The following SUSD4 variants were observed in gnomAD, a reference collection of about 807,000 sequenced individuals.
SUSD4 encodes sushi domain containing 4.
Under a neutral mutation model 50.5 loss-of-function variants are expected in SUSD4, and 41 were observed. That is an observed-to-expected ratio of 0.81 (90% confidence interval 0.63 to 1.05). The LOEUF (loss-of-function observed/expected upper bound fraction) is 1.05, where lower values mean the gene tolerates loss of function less well. Ranked by LOEUF, SUSD4 falls within the 50% of genes least tolerant of loss-of-function variation. The pLI, the probability that SUSD4 is intolerant of heterozygous loss-of-function variation, is 0.00. For missense variants in SUSD4, 580 were observed against 634.7 expected (o/e 0.91, Z 0.93); for synonymous variants, 257 against 257.3 (o/e 1.00, Z 0.01).
chr1:223,360,977 A>C (rs1668944555), intron 2 of SUSD4, among the ~76,000 whole-genome samples: 1 of 152,228 alleles, frequency 6.6e-6, no homozygotes, highest in African/African-American at 2.4e-5. Context: ...CTTGGTCTCA[A>C]GCATGGCTAA....
intron 5 of SUSD4, among the ~76,000 whole-genome samples, chr1:223,259,295 G>C (rs1470909965): frequency 6.6e-6 from 1 of 152,138 alleles, no homozygotes; most frequent in Non-Finnish European, 1.5e-5. Flanking sequence ...TTCTAAACTT[G>C]ATTCCATCTT....
intron 5 of SUSD4, chr1:223,234,959 A>G: frequency 6.3e-7 from 1 of 1,581,938 alleles, no homozygotes; most frequent in Non-Finnish European, 8.5e-7. Flanking sequence ...CATTTAGAAC[A>G]GAGATGTGGT....
At chr1:223,254,422 A>G (rs990243859) in intron 5 of SUSD4, among the ~76,000 whole-genome samples, 2 of 152,172 alleles carry the variant, frequency 1.3e-5, no homozygotes, top group East Asian at 3.8e-4. Context: ...GGAGAGACAG[A>G]GGGTTAATGG....
At chr1:223,343,428 T>G (rs1458155453) in intron 2 of SUSD4, among the ~76,000 whole-genome samples, 1 of 152,222 alleles carries the variant, frequency 6.6e-6, no homozygotes, top group Non-Finnish European at 1.5e-5. Flanking sequence ...CTGTTTTTGC[T>G]GACCAGTGCA....
chr1:223,248,346 A>G (rs1295475013), intron 5 of SUSD4, among the ~76,000 whole-genome samples: 3 of 152,192 alleles, frequency 2.0e-5, no homozygotes, highest in Admixed American at 6.5e-5. Flanking sequence ...CTCTGCTCCC[A>G]TATTGTACAG....
chr1:223,251,541 T>G (rs1661307028), intron 5 of SUSD4, among the ~76,000 whole-genome samples: 1 of 152,280 alleles, frequency 6.6e-6, no homozygotes, highest in South Asian at 2.1e-4. Context: ...ACATATCAAC[T>G]TGTGTCCTTA....
At chr1:223,276,352 C>T (rs1032916906) in intron 3 of SUSD4, among the ~76,000 whole-genome samples, 2 of 152,186 alleles carry the variant, frequency 1.3e-5, no homozygotes, top group East Asian at 1.9e-4. Flanking sequence ...AGCCCCTGTA[C>T]AGAAAGAGTG....
At position 223,254,563 on chromosome 1, in the gene SUSD4, G is replaced by A. The variant is rs75027247; in HGVS notation, c.724+10067C>T. Among the ~76,000 whole-genome samples, 899 of 152,022 alleles carry A rather than the reference G, an allele frequency of 5.9e-3. 10 individuals carry two copies. Among genetic ancestry groups the A allele is most frequent in the African/African-American group, 0.02 (842 of 41,494 alleles). ...TCTATCATGTTGGGAATCAGAAAACGCAAGAGAAAAAGAGTCTAAAAAGTA... is the reference window on the plus strand; with the variant it reads ...TCTATCATGTTGGGAATCAGAAAACACAAGAGAAAAAGAGTCTAAAAAGTA... On this transcript the variant is annotated intron_variant, in intron 5 of 8. Coordinates refer to ENST00000366878, the MANE Select transcript of SUSD4 (RefSeq NM_017982.4).
At chr1:223,223,671 C>A in intron 7 of SUSD4, 40 bp from the exon 8 acceptor site, 1 of 1,550,532 alleles carries the variant, frequency 6.4e-7, no homozygotes, top group Non-Finnish European at 8.7e-7. Context: ...GAGAGCCATG[C>A]CACTCTGGGG....
chr1:223,256,650 C>A (rs987725971), intron 5 of SUSD4, among the ~76,000 whole-genome samples: 2 of 152,190 alleles, frequency 1.3e-5, no homozygotes, highest in African/African-American at 4.8e-5. Context: ...AGGGACAGGG[C>A]AGCCTCTCTG....
intron 2 of SUSD4, among the ~76,000 whole-genome samples, chr1:223,336,745 T>C (rs1667479183): frequency 6.6e-6 from 1 of 152,188 alleles, no homozygotes. Context: ...AAAGCTGATG[T>C]TCCAAGTGTG....
intron 5 of SUSD4, among the ~76,000 whole-genome samples, chr1:223,263,228 A>G (rs1420426678): frequency 2.0e-5 from 3 of 152,226 alleles, no homozygotes; most frequent in Admixed American, 2.0e-4. Context: ...TCCACGGCCT[A>G]CCAGCAGCAT....
At chr1:223,303,733 G>A (rs1665336698) in intron 2 of SUSD4, among the ~76,000 whole-genome samples, 1 of 152,272 alleles carries the variant, frequency 6.6e-6, no homozygotes, top group Admixed American at 6.5e-5. Flanking sequence ...GTTTAGTGAG[G>A]GCAGGGGAAG....
At chr1:223,269,543 T>TAAGTCATCC (rs1662762761) in intron 3 of SUSD4, among the ~76,000 whole-genome samples, 1 of 152,210 alleles carries the variant, frequency 6.6e-6, no homozygotes, top group Non-Finnish European at 1.5e-5. Context: ...AAACACTGCC[T>TAAGTCATCC]AAGTCATCCC....
At chr1:223,246,517 G>A (rs903299344) in intron 5 of SUSD4, among the ~76,000 whole-genome samples, 1 of 151,926 alleles carries the variant, frequency 6.6e-6, no homozygotes, top group African/African-American at 2.4e-5. Flanking sequence ...GGCAGGAGTG[G>A]TTCAACACAG....
At chr1:223,286,330 T>C (rs1411273951) in intron 3 of SUSD4, among the ~76,000 whole-genome samples, 1 of 152,254 alleles carries the variant, frequency 6.6e-6, no homozygotes, top group Non-Finnish European at 1.5e-5. Context: ...TTAGCCAGGA[T>C]GGTCTCAATC....
chr1:223,351,685 G>A (rs1668375878), intron 2 of SUSD4, among the ~76,000 whole-genome samples: 1 of 152,060 alleles, frequency 6.6e-6, no homozygotes, highest in African/African-American at 2.4e-5. Context: ...GGTCAGCAGG[G>A]CTAACATGAA....
chr1:223,292,688 A>G (rs776236589), intron 2 of SUSD4, 37 bp from the exon 3 acceptor site: 1 of 1,604,870 alleles, frequency 6.2e-7, no homozygotes, highest in Non-Finnish European at 8.5e-7. Context: ...GCCTATGAAT[A>G]TGTTCTCTCA....
chr1:223,262,871 C>T (rs781061601), intron 5 of SUSD4, among the ~76,000 whole-genome samples: 13 of 152,318 alleles, frequency 8.5e-5, no homozygotes, highest in Non-Finnish European at 1.5e-4. Flanking sequence ...AGGGTTTTCC[C>T]ATCTACTCAT....
Sources: gnomAD v4.1 joint callset for allele counts (sites outside exome capture counted in the v4.1 genomes callset) on GRCh38, gnomAD v4.1.1 for gene constraint, MANE v1.5 for transcripts, NCBI Gene and HGNC (gene_info 2026-07-23, HGNC 2026-07-21) for gene names.